CCDC148: variants seen among roughly 807,000 people sequenced by gnomAD.
CCDC148 encodes the protein coiled-coil domain containing 148.
In CCDC148, 89 loss-of-function variants were observed where a neutral mutation model predicts 85.7. The observed-to-expected ratio is 1.04, with a 90% CI of 0.87 to 1.24. The LOEUF is 1.24. Ranked by LOEUF, CCDC148 falls within the 50% of genes most tolerant of loss-of-function variation. The probability of loss-of-function intolerance (pLI) is 0.00; values close to 1 mark genes in which losing one functional copy is unlikely to be tolerated. For synonymous variants in CCDC148, 230 were observed against 213.9 expected (o/e 1.08, Z -0.66); for missense variants, 692 against 671.7 (o/e 1.03, Z -0.33).
chr2:158,362,399 T>TA (rs1683994786), intron 1 of CCDC148, among the ~76,000 whole-genome samples: 1 of 152,102 alleles, frequency 6.6e-6, no homozygotes. Context: ...GCACTTACTT[T>TA]AAAATTGACC....
chr2:158,290,584 T>C (rs566173260), intron 9 of CCDC148, among the ~76,000 whole-genome samples: 1 of 152,296 alleles, frequency 6.6e-6, no homozygotes, highest in Non-Finnish European at 1.5e-5. Flanking sequence ...TTTCCATAGA[T>C]AGTTCCATCT....
chr2:158,243,410 G>A (rs145734365), intron 10 of CCDC148, among the ~76,000 whole-genome samples: 22 of 152,226 alleles, frequency 1.4e-4, no homozygotes, highest in African/African-American at 4.8e-4. Flanking sequence ...TTCAGTCCAA[G>A]CTGGCAGTGT....
intron 11 of CCDC148, among the ~76,000 whole-genome samples, chr2:158,185,803 T>A (rs1472760151): frequency 2.0e-5 from 3 of 152,126 alleles, no homozygotes; most frequent in African/African-American, 7.2e-5. Context: ...ATCTTCAACA[T>A]TTTCCTCAAC....
At chr2:158,242,562 C>T (rs1688393296) in intron 10 of CCDC148, among the ~76,000 whole-genome samples, 1 of 152,102 alleles carries the variant, frequency 6.6e-6, no homozygotes, top group Non-Finnish European at 1.5e-5. Flanking sequence ...CTCAATACCA[C>T]CCTGAGCCAT....
chr2:158,411,393 TA>T (rs1686251946), intron 1 of CCDC148, among the ~76,000 whole-genome samples: 1 of 152,118 alleles, frequency 6.6e-6, no homozygotes, highest in Non-Finnish European at 1.5e-5. Flanking sequence ...TTTTTTCTTT[TA>T]CTTCTCTGAC....
chr2:158,203,622 A>T (rs879903144), intron 11 of CCDC148, among the ~76,000 whole-genome samples: 15 of 152,324 alleles, frequency 9.8e-5, no homozygotes, highest in Admixed American at 9.8e-4. Context: ...TTTGTTTCAC[A>T]TGGTCTCAAA....
chr2:158,209,543 A>T (rs933912106), intron 11 of CCDC148, among the ~76,000 whole-genome samples: 8 of 152,196 alleles, frequency 5.3e-5, no homozygotes, highest in African/African-American at 1.9e-4. Flanking sequence ...CTCTGCATAT[A>T]GGTGTAAAGG....
chr2:158,277,408 C>G (rs1323156038), intron 9 of CCDC148, among the ~76,000 whole-genome samples: 2 of 152,090 alleles, frequency 1.3e-5, no homozygotes, highest in African/African-American at 4.8e-5. Context: ...AATGTTTTGT[C>G]ATAGTCAAGG....
chr2:158,328,048 G>T (rs917412236), intron 7 of CCDC148, among the ~76,000 whole-genome samples: 1 of 151,486 alleles, frequency 6.6e-6, no homozygotes, highest in Non-Finnish European at 1.5e-5. Context: ...AAGTTTTAGG[G>T]TACATGTGCA....
intron 11 of CCDC148, among the ~76,000 whole-genome samples, chr2:158,213,945 A>G (rs534594945): frequency 2.0e-5 from 3 of 152,058 alleles, no homozygotes; most frequent in Admixed American, 6.5e-5. Context: ...AAGAACAACT[A>G]CTGCATGCGA....
intron 10 of CCDC148, among the ~76,000 whole-genome samples, chr2:158,241,012 T>A (rs757045788): frequency 2.6e-5 from 4 of 152,046 alleles, no homozygotes; most frequent in Non-Finnish European, 5.9e-5. Flanking sequence ...ATGCCCAAAT[T>A]ACAGTTTGAT....
In CCDC148 at chr2:158,309,514, A is replaced by T. The variant is rs776640133; in HGVS notation, c.1029T>A (p.Ala343=). ...TGCTCTCCATTTCATGTGTTGCACAAGCCTCAGTGAGTGTCAGCACAGCCT... is the reference window on the plus strand; with the variant it reads ...TGCTCTCCATTTCATGTGTTGCACATGCCTCAGTGAGTGTCAGCACAGCCT... ...IQKAVLTLTE[A]CATHEMESML... is the part of the protein sequence containing the mutation. Residue 343 remains alanine (A), a synonymous_variant, in exon 9 of 14, where the codon GCT becomes GCA. Coordinates refer to ENST00000283233, the MANE Select transcript of CCDC148 (RefSeq NM_138803.4). The T allele has an allele frequency of 4.2e-5, 67 of 1,614,028 alleles. No individual in the cohort carries two copies. Among genetic ancestry groups the T allele is most frequent in the Non-Finnish European group, 5.4e-5 (64 of 1,179,988 alleles).
At position 158,340,297 on chromosome 2, in the gene CCDC148, G is replaced by A. The variant is rs1365166980; in HGVS notation, c.431C>T (p.Thr144Ile). 8.1e-6 allele frequency: 13 copies of A among 1,613,820 alleles called. No individual in the cohort carries two copies. ...RADLKYRQHHTLQHSHPHIEF... is the reference protein window; with the variant it reads ...RADLKYRQHHILQHSHPHIEF... Reference sequence around the variant, plus strand: ...AATATGTGGGTGTGAATGCTGCAAAGTGTGATGCTGTCTGTATTTTAGATC... The same window carrying A: ...AATATGTGGGTGTGAATGCTGCAAAATGTGATGCTGTCTGTATTTTAGATC... Residue 144 changes from threonine to isoleucine, a missense_variant, in exon 5 of 14, where the codon ACT becomes ATT. Physicochemically the swap from Thr to Ile is moderately conservative, Grantham distance 89. Coordinates refer to ENST00000283233, the MANE Select transcript of CCDC148 (RefSeq NM_138803.4).
intron 9 of CCDC148, among the ~76,000 whole-genome samples, chr2:158,260,347 T>C (rs1179926135): frequency 6.6e-6 from 1 of 151,976 alleles, no homozygotes; most frequent in East Asian, 1.9e-4. Flanking sequence ...AACTAGGTAT[T>C]GAATGAGCAT....
rs901438359 is a variant in CCDC148 at position 158,178,809 on chromosome 2, T to C, written c.1488+70A>G. On this transcript the variant is annotated intron_variant, in intron 12 of 13. Coordinates refer to ENST00000283233, the MANE Select transcript of CCDC148 (RefSeq NM_138803.4). ...GTCATGAACTAAGCCCCAGTAAGAA[T>C]GCTATTAAGAGCACTTAGAAACATT... 8.7e-6 allele frequency: 9 copies of C among 1,040,336 alleles called. No individual in the cohort carries two copies. The African/African-American group carries it at 1.3e-4, about 15-fold the overall frequency. The allele number at this position is 1,040,336 out of a possible 1,614,324, so 64.4% of individuals were successfully genotyped here. A position where few individuals can be genotyped will look rare whatever the true frequency, so the allele number is the denominator to read the frequency against.
chr2:158,277,446 T>C (rs1006414166), intron 9 of CCDC148, among the ~76,000 whole-genome samples: 1 of 152,204 alleles, frequency 6.6e-6, no homozygotes, highest in Non-Finnish European at 1.5e-5. Context: ...AAATATATAC[T>C]ATGGTCATTT....
Position 158,430,088 on chromosome 2 carries a change from C to G in CCDC148, c.25+26327G>C, listed in dbSNP as rs138276011. 7.5e-3 allele frequency among the ~76,000 whole-genome samples: 1,145 copies of G among 152,204 alleles called. 17 individuals are homozygous for G. Among genetic ancestry groups the G allele is most frequent in the African/African-American group, 0.026 (1,095 of 41,524 alleles). On this transcript the variant is annotated intron_variant, in intron 1 of 13. Transcript: ENST00000283233. ...GGTGTGTGCGGAGACGAAAGTAGTACAAATCCCAACAAAAATGGAACAGGA... is the reference window on the plus strand; with the variant it reads ...GGTGTGTGCGGAGACGAAAGTAGTAGAAATCCCAACAAAAATGGAACAGGA...
At chr2:158,353,903 G>T (rs1390422223) in intron 2 of CCDC148, among the ~76,000 whole-genome samples, 1 of 152,008 alleles carries the variant, frequency 6.6e-6, no homozygotes, top group Non-Finnish European at 1.5e-5. Flanking sequence ...CAATCAAACT[G>T]GAACTCAGGA....
intron 1 of CCDC148, among the ~76,000 whole-genome samples, chr2:158,413,483 G>T (rs751980327): frequency 6.6e-5 from 10 of 151,994 alleles, no homozygotes; most frequent in African/African-American, 2.2e-4. Context: ...ATAAATATTT[G>T]ATTATTATCT....
Sources: allele counts gnomAD v4.1 joint callset (sites outside exome capture counted in the v4.1 genomes callset), GRCh38; gene constraint gnomAD v4.1.1; transcripts MANE v1.5; gene names NCBI Gene and HGNC (gene_info 2026-07-23, HGNC 2026-07-21).